CRHR2: variants seen among roughly 807,000 people sequenced by gnomAD.
CRHR2 encodes corticotropin releasing hormone receptor 2, also known as corticotropin-releasing hormone receptor 2.
In CRHR2, 53 loss-of-function variants were observed where a neutral mutation model predicts 57.9. The ratio of observed to expected loss-of-function variants is 0.92; its 90% CI spans 0.73 to 1.15. The LOEUF is 1.15. Among genes scored for constraint, CRHR2 ranks in the 50% most tolerant of loss-of-function variants. CRHR2 has a pLI of 0.00. For synonymous variants in CRHR2, 213 were observed against 220.9 expected, an observed-to-expected ratio of 0.96 and a Z score of 0.32; for missense variants, 532 against 542.6, an observed-to-expected ratio of 0.98 and a Z score of 0.19.
chr7:30,667,188 T>C (rs773309471), intron 3 of CRHR2, 40 bp downstream of exon 3: 1 of 1,579,404 alleles, frequency 6.3e-7, no homozygotes, highest in East Asian at 2.2e-5. Flanking sequence ...TCCAAATACC[T>C]GTGTGAGGCC....
At chr7:30,684,605 G>A (rs912561317), upstream of CRHR2, among the ~76,000 whole-genome samples, 1 of 152,172 alleles carries the variant, frequency 6.6e-6, no homozygotes, top group Non-Finnish European at 1.5e-5. Flanking sequence ...CATTTCAGTG[G>A]CAGAGTCAAA....
In CRHR2 at chr7:30,656,086, C is replaced by G; in HGVS notation, c.832-74G>C. On this transcript the variant is annotated intron_variant, in intron 8 of 11. Transcript: ENST00000471646. This position sits in a 1 kb window ranked among gnomAD's most constrained non-coding sequence, Gnocchi z 4.4. Reference sequence around the variant, plus strand: ...TTTGAGATGAGCCGAGAGGCAGCCCCCTTCCCCGCAGACCCCTGGAAACCG... The same window carrying G: ...TTTGAGATGAGCCGAGAGGCAGCCCGCTTCCCCGCAGACCCCTGGAAACCG... The G allele has an allele frequency of 7.0e-7, 1 of 1,420,934 alleles. No individual in the cohort carries two copies. Among genetic ancestry groups the G allele is most frequent in the Non-Finnish European group, 9.9e-7 (1 of 1,011,038 alleles). The allele number at this position is 1,420,934 out of a possible 1,614,324, so 88.0% of individuals were successfully genotyped here. A position where few individuals can be genotyped will look rare whatever the true frequency, so the allele number is the denominator to read the frequency against.
At position 30,662,290 on chromosome 7, in the gene CRHR2, C is replaced by A. The variant is rs1344838420; in HGVS notation, c.698-74G>T. The A allele has an allele frequency of 2.6e-6, 4 of 1,528,754 alleles. No individual in the cohort carries two copies. The South Asian group carries it at 3.4e-5, about 13-fold the overall frequency. The allele number at this position is 1,528,754 out of a possible 1,614,324, so 94.7% of individuals were successfully genotyped here. A position where few individuals can be genotyped will look rare whatever the true frequency, so the allele number is the denominator to read the frequency against. ...TTCTTGTAGGACATACCGTGGGGTA[C>A]CACAACAGGGCTAGGATCATGTTTT... On this transcript the variant is annotated intron_variant, in intron 6 of 11. Coordinates refer to ENST00000471646, the MANE Select transcript of CRHR2 (RefSeq NM_001883.5).
exon 1 of CRHR2, chr7:30,700,083 G>A: frequency 7.9e-7 from 1 of 1,261,956 alleles, no homozygotes; most frequent in African/African-American, 1.6e-5. Context: ...CCAGCACGGT[G>A]GTCACACCCT....
At chr7:30,675,742 T>C (rs1784497166) in intron 2 of CRHR2, among the ~76,000 whole-genome samples, 1 of 152,250 alleles carries the variant, frequency 6.6e-6, no homozygotes, top group African/African-American at 2.4e-5. Flanking sequence ...GTGCTCTGAC[T>C]GTCTTCACTG....
Position 30,665,525 on chromosome 7 carries a change from C to A in CRHR2, c.425+5G>T. 6.4e-7 allele frequency: 1 copy of A among 1,555,086 alleles called. No homozygotes were observed. Reference sequence around the variant, plus strand: ...GGAGAAAGCAAGGCGGAAGGGCAGACTCACCGCAGGGCCAGGAAAAGCAGG... The same window carrying A: ...GGAGAAAGCAAGGCGGAAGGGCAGAATCACCGCAGGGCCAGGAAAAGCAGG... On this transcript the variant is annotated splice_donor_5th_base_variant and intron_variant, in intron 4 of 11. Transcript: ENST00000471646. This position sits in a 1 kb window ranked among gnomAD's most constrained non-coding sequence, Gnocchi z 4.5.
rs745790176 is a variant in CRHR2, at chr7:30,665,032, C to T, written c.543+38G>A. ...AGATGGGTGCCCCCGGAGCCCAGAGCCCCCCAGGTATAGCCCCGAGTCTCC... is the reference window on the plus strand; with the variant it reads ...AGATGGGTGCCCCCGGAGCCCAGAGTCCCCCAGGTATAGCCCCGAGTCTCC... On this transcript the variant is annotated intron_variant, in intron 5 of 11. Transcript: ENST00000471646. The surrounding 1 kb of genome is among the most constrained non-coding windows in gnomAD (Gnocchi z 4.5). The T allele has an allele frequency of 2.6e-6, 4 of 1,550,194 alleles. No individual in the cohort carries two copies. Among genetic ancestry groups the T allele is most frequent in the Middle Eastern group, 3.4e-4 (2 of 5,924 alleles).
At chr7:30,687,059 A>G (rs1270087137), upstream of CRHR2, among the ~76,000 whole-genome samples, 2 of 152,040 alleles carry the variant, frequency 1.3e-5, no homozygotes, top group Non-Finnish European at 2.9e-5. Context: ...TGACTATTGC[A>G]TTTGTCATTC....
chr7:30,681,914 C>G lies in CRHR2; in HGVS notation c.229+1G>C. 1.9e-6 allele frequency: 3 copies of G among 1,607,792 alleles called. No homozygotes were observed. The highest frequency in any genetic ancestry group is 2.5e-6 in the Non-Finnish European group (3 of 1,177,612). ...AGGCAGCGAGGGCCGGGGGCACTCA[C>G]GGGTCGTGTTGTACTTGACGCCGTT... On this transcript the variant is annotated splice_donor_variant, in intron 2 of 11. Coordinates refer to ENST00000471646, the MANE Select transcript of CRHR2 (RefSeq NM_001883.5). LOFTEE classifies it high-confidence loss of function.
chr7:30,672,630 A>G lies in CRHR2; in HGVS notation c.230-5317T>C, dbSNP rs1170908405. Among the ~76,000 whole-genome samples, 5 of 152,336 alleles carry G rather than the reference A, an allele frequency of 3.3e-5. No homozygotes were observed. In the South Asian group the frequency reaches 1.0e-3, roughly 32 times the overall value. On this transcript the variant is annotated intron_variant, in intron 2 of 11. Coordinates refer to ENST00000471646, the MANE Select transcript of CRHR2 (RefSeq NM_001883.5). The stretch of plus-strand genomic sequence containing the variant: ...TGCAGGAGGAAGCAAGGTCTCACAC[A>G]AAGACACCATGGGTAGGCTGACCCA...
chr7:30,666,089 A>G (rs1396050649), intron 3 of CRHR2, among the ~76,000 whole-genome samples: 1 of 152,086 alleles, frequency 6.6e-6, no homozygotes, highest in Non-Finnish European at 1.5e-5. Context: ...TTAAAATTCT[A>G]GGCTCTAGAA....
chr7:30,667,098 G>C, intron 3 of CRHR2, 130 bp downstream of exon 3: 1 of 755,150 alleles, frequency 1.3e-6, no homozygotes, highest in Non-Finnish European at 2.2e-6. Context: ...TGGGGGCAGG[G>C]GCAGGAGGTA....
chr7:30,691,210 A>G (rs1007340010), intron 1 of CRHR2, among the ~76,000 whole-genome samples: 3 of 152,098 alleles, frequency 2.0e-5, no homozygotes, highest in Admixed American at 6.6e-5. Context: ...CACCCTCTTT[A>G]TGGCGCCCAT....
At chr7:30,691,433 T>A (rs1784959606) in intron 1 of CRHR2, among the ~76,000 whole-genome samples, 1 of 152,236 alleles carries the variant, frequency 6.6e-6, no homozygotes, top group African/African-American at 2.4e-5. Flanking sequence ...GGTGATCTCC[T>A]GTTTGACTTT....
chr7:30,682,390 G>T lies in CRHR2; in HGVS notation c.-110C>A. 1 of 1,389,566 alleles carries T rather than the reference G, an allele frequency of 7.2e-7. No homozygotes were observed. The allele number at this position is 1,389,566 out of a possible 1,614,324, so 86.1% of individuals were successfully genotyped here. A position where few individuals can be genotyped will look rare whatever the true frequency, so the allele number is the denominator to read the frequency against. On this transcript the variant is annotated 5_prime_UTR_variant, in exon 1 of 12. Coordinates refer to ENST00000471646, the MANE Select transcript of CRHR2 (RefSeq NM_001883.5). ...GAGAGGGCGCGGGGTCCTGGCCCCCGCCAGCCCAGCCCCGATCTCCCGGGC... is the reference window on the plus strand; with the variant it reads ...GAGAGGGCGCGGGGTCCTGGCCCCCTCCAGCCCAGCCCCGATCTCCCGGGC...
At chr7:30,682,627 G>A (rs907697691), upstream of CRHR2, 17 of 591,208 alleles carry the variant, frequency 2.9e-5, no homozygotes, top group Non-Finnish European at 3.8e-5. Context: ...TCAGTTCGCA[G>A]CTCTCTTCCA....
chr7:30,667,100 C>T (rs2128143181), intron 3 of CRHR2, 128 bp downstream of exon 3: 1 of 762,264 alleles, frequency 1.3e-6, no homozygotes, highest in Non-Finnish European at 2.2e-6. Context: ...GGGGCAGGGG[C>T]AGGAGGTACA....
rs890449446 is a variant in CRHR2 at position 30,656,377 on chromosome 7, C to A, written c.832-365G>T. On this transcript the variant is annotated intron_variant, in intron 8 of 11. Transcript: ENST00000471646. The surrounding 1 kb of genome is among the most constrained non-coding windows in gnomAD (Gnocchi z 4.4). ...CCCTTCCCCTCACTGCCACGGGGTC[C>A]CTACTTGTTGACTGCGGGGCTCTCT... 6.6e-6 allele frequency among the ~76,000 whole-genome samples: 1 copy of A among 152,206 alleles called. No homozygotes were observed. The highest frequency in any genetic ancestry group is 2.4e-5 in the African/African-American group (1 of 41,446).
intron 2 of CRHR2, among the ~76,000 whole-genome samples, chr7:30,676,220 A>C (rs1784512203): frequency 6.6e-6 from 1 of 152,198 alleles, no homozygotes; most frequent in Admixed American, 6.5e-5. Flanking sequence ...GGATGGCCAC[A>C]AGGGCATCCA....
Sources: allele counts gnomAD v4.1 joint callset (sites outside exome capture counted in the v4.1 genomes callset), GRCh38; gene constraint gnomAD v4.1.1; non-coding constraint Gnocchi (gnomAD v3.1); transcripts MANE v1.5; gene names NCBI Gene and HGNC (gene_info 2026-07-23, HGNC 2026-07-21).